PAX7: variants seen among roughly 807,000 people sequenced by gnomAD.
The protein encoded by PAX7 is paired box protein Pax-7.
Under a neutral mutation model 50.7 loss-of-function variants are expected in PAX7, and 18 were observed. That is an observed-to-expected ratio of 0.36 (90% CI 0.25 to 0.53). The LOEUF is 0.53. Ranked by LOEUF, PAX7 falls within the 20% of genes least tolerant of loss-of-function variation. PAX7 has a pLI of 0.93. For synonymous variants in PAX7, 310 were observed against 290.4 expected (o/e 1.07, Z -0.69); for missense variants, 644 against 702.9 (o/e 0.92, Z 0.95).
intron 4 of PAX7, among the ~76,000 whole-genome samples, chr1:18,680,340 C>T (rs907104053): frequency 1.3e-5 from 2 of 152,142 alleles, no homozygotes; most frequent in Non-Finnish European, 2.9e-5. Flanking sequence ...GCCCAGAGTG[C>T]CAACTCCCCA....
chr1:18,691,702 C>T, intron 4 of PAX7, 52 bp from the exon 5 acceptor site: 1 of 1,511,584 alleles, frequency 6.6e-7, no homozygotes, highest in East Asian at 2.5e-5. Flanking sequence ...ACCCCGGCAC[C>T]CTTCCATCTC....
chr1:18,647,976 G>A (rs370846840), intron 4 of PAX7, among the ~76,000 whole-genome samples: 15 of 152,302 alleles, frequency 9.8e-5, no homozygotes, highest in Non-Finnish European at 1.9e-4. Context: ...AGGTAGAAAC[G>A]CACAGAGCCA....
At chr1:18,657,983 C>A (rs573021010) in intron 4 of PAX7, among the ~76,000 whole-genome samples, 1 of 152,192 alleles carries the variant, frequency 6.6e-6, no homozygotes, top group African/African-American at 2.4e-5. Flanking sequence ...TTTGTCCCCC[C>A]AGGGCCGACG....
At chr1:18,696,368 T>C (rs879742664) in intron 5 of PAX7, among the ~76,000 whole-genome samples, 1 of 152,128 alleles carries the variant, frequency 6.6e-6, no homozygotes, top group Non-Finnish European at 1.5e-5. Context: ...CACCCAGCCT[T>C]CATGGTGCAT....
rs1931431142 is a variant in PAX7, at chr1:18,746,170, T to C, written c.*1241T>C. ...AGACAAGATGATCCCCCCTGGCATG[T>C]TGTTAGGGGCAAATTGCTGTCCTGC... On this transcript the variant is annotated 3_prime_UTR_variant, in exon 9 of 9. Transcript: ENST00000420770. The C allele has an allele frequency of 4.3e-6, 1 of 231,598 alleles. No homozygotes were observed. Among genetic ancestry groups the C allele is most frequent in the African/African-American group, 2.2e-5 (1 of 45,204 alleles). 14.3% of individuals were successfully genotyped at this position (231,598 alleles called of 1,614,324 possible).
chr1:18,649,590 C>T (rs1042045982), intron 4 of PAX7, among the ~76,000 whole-genome samples: 2 of 152,064 alleles, frequency 1.3e-5, no homozygotes. Context: ...TGGTTCAAGC[C>T]ATTGCCACAC....
intron 7 of PAX7, among the ~76,000 whole-genome samples, chr1:18,713,335 T>C (rs1001144191): frequency 4.6e-5 from 7 of 152,150 alleles, no homozygotes; most frequent in Non-Finnish European, 1.0e-4. Context: ...TGGCAGTACT[T>C]GGCACACAAA....
chr1:18,669,638 G>A (rs1018953190), intron 4 of PAX7, among the ~76,000 whole-genome samples: 13 of 152,266 alleles, frequency 8.5e-5, no homozygotes, highest in African/African-American at 2.6e-4. Context: ...GACAAAGTCC[G>A]TACTGGGGGA....
At chr1:18,725,997 C>CGTGTGT (rs1557554095) in intron 7 of PAX7, among the ~76,000 whole-genome samples, 1 of 134,740 alleles carries the variant, frequency 7.4e-6, no homozygotes, top group Non-Finnish European at 1.7e-5. Flanking sequence ...TGTGTGTGCG[C>CGTGTGT]GCGCGCGCGT....
chr1:18,733,581 G>C (rs1282101872), intron 7 of PAX7, among the ~76,000 whole-genome samples: 1 of 152,150 alleles, frequency 6.6e-6, no homozygotes, highest in Non-Finnish European at 1.5e-5. Context: ...GAGTGACAGA[G>C]GGAAAAGGTG....
chr1:18,733,374 C>T (rs2089670759), intron 7 of PAX7, among the ~76,000 whole-genome samples: 1 of 152,170 alleles, frequency 6.6e-6, no homozygotes, highest in South Asian at 2.1e-4. Context: ...ACTCTAGACC[C>T]TCCCCAGCCC....
intron 5 of PAX7, among the ~76,000 whole-genome samples, chr1:18,694,325 A>C (rs12750926): frequency 6.6e-6 from 1 of 151,638 alleles, no homozygotes; most frequent in Non-Finnish European, 1.5e-5. Flanking sequence ...CGGGCATGCT[A>C]GCGCATGCCT....
chr1:18,675,025 A>T (rs2088805358), intron 4 of PAX7, among the ~76,000 whole-genome samples: 1 of 152,172 alleles, frequency 6.6e-6, no homozygotes, highest in African/African-American at 2.4e-5. Flanking sequence ...CTTAAAATGC[A>T]TTCATTGGCT....
At position 18,672,601 on chromosome 1, in the gene PAX7, T is replaced by G. The variant is rs560759016; in HGVS notation, c.587-19153T>G. ...CCTAGACTGGAGAGCACTGTGTTTT[T>G]TTTTTTTTTTTTTTTTGTGAGACTA... On this transcript the variant is annotated intron_variant, in intron 4 of 8. Coordinates refer to ENST00000420770, the MANE Select transcript of PAX7 (RefSeq NM_001135254.2). Among the ~76,000 whole-genome samples, 66 of 147,074 alleles carry G rather than the reference T, an allele frequency of 4.5e-4. 2 individuals carry two copies. Among genetic ancestry groups the G allele is most frequent in the East Asian group, 2.6e-3 (13 of 5,032 alleles).
chr1:18,679,894 G>T (rs568328002), intron 4 of PAX7, among the ~76,000 whole-genome samples: 1 of 152,290 alleles, frequency 6.6e-6, no homozygotes, highest in East Asian at 1.9e-4. Flanking sequence ...TTGCCTCTGA[G>T]GGATACAGAA....
Position 18,746,225 on chromosome 1 carries a change from A to G in PAX7, c.*1296A>G, listed in dbSNP as rs968752436. The G allele has an allele frequency of 1.7e-5, 4 of 230,950 alleles. No individual in the cohort carries two copies. The highest frequency in any genetic ancestry group is 5.7e-5 in the Admixed American group (1 of 17,690). 14.3% of individuals were successfully genotyped at this position (230,950 alleles called of 1,614,324 possible). On this transcript the variant is annotated 3_prime_UTR_variant, in exon 9 of 9. Transcript: ENST00000420770. ...AGTGGCATCTTTCAATGTTGCCTCCATCTTGGCCAAGAGGTCCCTGCCTCC... is the reference window on the plus strand; with the variant it reads ...AGTGGCATCTTTCAATGTTGCCTCCGTCTTGGCCAAGAGGTCCCTGCCTCC...
intron 7 of PAX7, among the ~76,000 whole-genome samples, chr1:18,731,317 C>T (rs1455913718): frequency 6.6e-6 from 1 of 152,142 alleles, no homozygotes; most frequent in Non-Finnish European, 1.5e-5. Flanking sequence ...GGCATTTAGG[C>T]CCATAGGGCT....
chr1:18,643,799 C>T (rs2088296372), intron 4 of PAX7, among the ~76,000 whole-genome samples: 1 of 152,242 alleles, frequency 6.6e-6, no homozygotes, highest in Non-Finnish European at 1.5e-5. Context: ...GATCCTGCCG[C>T]TTAATTAGAG....
In PAX7 at chr1:18,633,066, A is replaced by G. The variant is rs1459765340; in HGVS notation, c.86-1237A>G. 2.0e-5 allele frequency among the ~76,000 whole-genome samples: 3 copies of G among 152,160 alleles called. No homozygotes were observed. In the East Asian group the frequency reaches 5.8e-4, roughly 29 times the overall value. On this transcript the variant is annotated intron_variant, in intron 1 of 8. Transcript: ENST00000420770. ...GCGCTAATGGCATATCCCGCCACGG[A>G]GACCGAGTGACTCCGACTTTGCGAC...
Sources: allele counts gnomAD v4.1 joint callset (sites outside exome capture counted in the v4.1 genomes callset), GRCh38; gene constraint gnomAD v4.1.1; transcripts MANE v1.5; gene names NCBI Gene and HGNC (gene_info 2026-07-23, HGNC 2026-07-21).